The following FOXP1 variants were observed in gnomAD, a reference collection of about 807,000 sequenced individuals.
The protein encoded by FOXP1 is forkhead box P1.
In FOXP1, 15 loss-of-function variants were observed where a neutral mutation model predicts 98.2. The observed-to-expected ratio is 0.15, with a 90% CI of 0.10 to 0.24. FOXP1 has a LOEUF of 0.24. Ranked by LOEUF, FOXP1 falls within the 10% of genes least tolerant of loss-of-function variation. FOXP1 has a pLI of 1.00. For synonymous variants in FOXP1, 371 were observed against 314.5 expected (o/e 1.18, Z -1.90); for missense variants, 633 against 848.5 (o/e 0.75, Z 3.15).
At chr3:71,149,433 AT>A (rs1251730493) in intron 6 of FOXP1, among the ~76,000 whole-genome samples, 1 of 152,220 alleles carries the variant, frequency 6.6e-6, no homozygotes, top group Non-Finnish European at 1.5e-5. Context: ...ATAAGAAAGC[AT>A]TATGTGCTAA....
chr3:71,227,749 A>T lies in FOXP1; in HGVS notation c.-11-29357T>A, dbSNP rs191985532. ...AATGTTTTTAAAAAAAAAAAAAAAC[A>T]GTCAAAGGAGTATAAAGTGACAATT... On this transcript the variant is annotated intron_variant, in intron 5 of 20. Coordinates refer to ENST00000649528, the MANE Select transcript of FOXP1 (RefSeq NM_001349338.3). Among the ~76,000 whole-genome samples, 66 of 151,818 alleles carry T rather than the reference A, an allele frequency of 4.3e-4. 1 individual carries two copies. The highest frequency in any genetic ancestry group is 1.4e-3 in the African/African-American group (60 of 41,402).
rs920900579 is a variant in FOXP1, at chr3:71,089,893, T to A, written c.282+22643A>T. ...CAGACAGGCAGGCTACTGAAATGAG[T>A]TGAAGTCCATGGCAAAGTGGGAATG... is the stretch of plus-strand genomic sequence containing the variant. On this transcript the variant is annotated intron_variant, in intron 7 of 20. Transcript: ENST00000649528. Among the ~76,000 whole-genome samples, 3 of 152,122 alleles carry A rather than the reference T, an allele frequency of 2.0e-5. No homozygotes were observed. The East Asian group carries it at 5.8e-4, about 29-fold the overall frequency.
intron 2 of FOXP1, among the ~76,000 whole-genome samples, chr3:71,558,820 T>TTTTTTTTTTTTTTTTG (rs2046335497): frequency 6.7e-6 from 1 of 149,194 alleles, no homozygotes; most frequent in African/African-American, 2.5e-5. Flanking sequence ...TTTTTTTTTT[T>TTTTTTTTTTTTTTTTG]GAGGCAGAGT....
rs1010141348 is a variant in FOXP1 at position 71,106,095 on chromosome 3, T to C, written c.282+6441A>G. Among the ~76,000 whole-genome samples, 3 of 152,186 alleles carry C rather than the reference T, an allele frequency of 2.0e-5. No homozygotes were observed. The East Asian group carries it at 5.8e-4, about 29-fold the overall frequency. On this transcript the variant is annotated intron_variant, in intron 7 of 20. Transcript: ENST00000649528. ...TACTACCTTTGTGCTGTGTAGCAAG[T>C]CAGTTAATCTCTCTGTTTCCATCTT...
chr3:71,419,945 G>A (rs1376378115), intron 3 of FOXP1, among the ~76,000 whole-genome samples: 1 of 151,932 alleles, frequency 6.6e-6, no homozygotes, highest in African/African-American at 2.4e-5. Flanking sequence ...CTCCTGAGTA[G>A]CTGGGATTAC....
intron 6 of FOXP1, among the ~76,000 whole-genome samples, chr3:71,157,556 T>C (rs1192077539): frequency 6.6e-6 from 1 of 152,190 alleles, no homozygotes; most frequent in African/African-American, 2.4e-5. Flanking sequence ...TTAGAACACA[T>C]CCTTTAACCT....
chr3:71,479,693 AG>A (rs2090124534), intron 3 of FOXP1, among the ~76,000 whole-genome samples: 1 of 150,340 alleles, frequency 6.7e-6, no homozygotes, highest in African/African-American at 2.5e-5. Context: ...AAAAAAAAAA[AG>A]AAAAGAAAAG....
intron 11 of FOXP1, among the ~76,000 whole-genome samples, chr3:71,022,353 G>A (rs2045562301): frequency 6.6e-6 from 1 of 152,016 alleles, no homozygotes; most frequent in South Asian, 2.1e-4. Context: ...AGAATTTATA[G>A]TTAAAATTAT....
chr3:71,395,877 T>G (rs979285672), intron 3 of FOXP1, among the ~76,000 whole-genome samples: 2 of 151,608 alleles, frequency 1.3e-5, no homozygotes, highest in African/African-American at 4.9e-5. Context: ...AATGGGGGGG[T>G]TGGTTATGAA....
intron 6 of FOXP1, among the ~76,000 whole-genome samples, chr3:71,121,133 T>C (rs1200129792): frequency 2.6e-5 from 4 of 151,752 alleles, no homozygotes; most frequent in Non-Finnish European, 5.9e-5. Context: ...TGCATTAGCG[T>C]TGTGAGCTCA....
chr3:71,198,916 T>C (rs1351282444), intron 5 of FOXP1, among the ~76,000 whole-genome samples: 2 of 152,038 alleles, frequency 1.3e-5, no homozygotes, highest in African/African-American at 2.4e-5. Flanking sequence ...TAGGCTGGTC[T>C]CAAATTCCTG....
At chr3:71,044,371 T>C (rs2048744323) in intron 10 of FOXP1, among the ~76,000 whole-genome samples, 1 of 152,208 alleles carries the variant, frequency 6.6e-6, no homozygotes, top group Non-Finnish European at 1.5e-5. Context: ...AGAATATTTC[T>C]ATATGAAATT....
chr3:71,207,936 T>C (rs2064169955), intron 5 of FOXP1, among the ~76,000 whole-genome samples: 1 of 152,090 alleles, frequency 6.6e-6, no homozygotes. Flanking sequence ...AAGCATAAAC[T>C]CACTTTAAAA....
At chr3:71,075,203 T>C (rs34408204) in intron 7 of FOXP1, among the ~76,000 whole-genome samples, 10,716 of 152,208 alleles carry the variant, frequency 0.07, 1,274 homozygotes, top group African/African-American at 0.25. Flanking sequence ...ATTTAGTAAA[T>C]TGCTAGTTTC....
intron 7 of FOXP1, among the ~76,000 whole-genome samples, chr3:71,071,427 G>A (rs557846874): frequency 5.3e-5 from 8 of 152,298 alleles, no homozygotes; most frequent in Middle Eastern, 3.4e-3. Flanking sequence ...TTAACTCTGA[G>A]ATAGTACAGG....
chr3:71,464,598 C>T (rs1002797604), intron 3 of FOXP1, among the ~76,000 whole-genome samples: 12 of 152,278 alleles, frequency 7.9e-5, no homozygotes, highest in Admixed American at 6.5e-5. Context: ...GCCCTCCCCC[C>T]GACCTGGCAC....
intron 5 of FOXP1, among the ~76,000 whole-genome samples, chr3:71,263,055 A>C (rs2069310787): frequency 6.6e-6 from 1 of 152,184 alleles, no homozygotes; most frequent in Admixed American, 6.5e-5. Flanking sequence ...CCTGAAAGTG[A>C]TTCATTTCAA....
chr3:71,200,890 C>A (rs2063631913), intron 5 of FOXP1, among the ~76,000 whole-genome samples: 1 of 152,130 alleles, frequency 6.6e-6, no homozygotes, highest in Non-Finnish European at 1.5e-5. Context: ...CAGAAAAATT[C>A]ACATGTTTCT....
intron 2 of FOXP1, among the ~76,000 whole-genome samples, chr3:71,544,711 A>G (rs1444860302): frequency 6.6e-6 from 1 of 152,244 alleles, no homozygotes; most frequent in Non-Finnish European, 1.5e-5. Context: ...ACAAAGAGGT[A>G]AGAGAGACAA....
Sources: allele counts gnomAD v4.1 joint callset (sites outside exome capture counted in the v4.1 genomes callset), GRCh38; gene constraint gnomAD v4.1.1; transcripts MANE v1.5; gene names NCBI Gene and HGNC (gene_info 2026-07-23, HGNC 2026-07-21).